Variants in TECRL observed in about 807,000 individuals in gnomAD.
TECRL encodes trans-2,3-enoyl-CoA reductase like.
A neutral mutation model predicts 52.8 loss-of-function variants in TECRL; 63 were observed. That is an observed-to-expected ratio of 1.19 (90% CI 0.97 to 1.47). The LOEUF (loss-of-function observed/expected upper bound fraction) is 1.47. TECRL is among the 40% of genes most tolerant of loss of function. The pLI is 0.00. For synonymous variants in TECRL, 164 were observed against 141.9 expected, an observed-to-expected ratio of 1.16 and a Z score of -1.10; for missense variants, 482 against 429.6, an observed-to-expected ratio of 1.12 and a Z score of -1.08.
intron 1 of TECRL, among the ~76,000 whole-genome samples, chr4:64,384,321 TAAG>T (rs1347318655): frequency 6.6e-6 from 1 of 152,084 alleles, no homozygotes; most frequent in Non-Finnish European, 1.5e-5. Context: ...GGCCAACCCT[TAAG>T]ACCTCTGGTA....
chr4:64,318,180 C>T (rs2110020018), intron 4 of TECRL, among the ~76,000 whole-genome samples: 1 of 152,056 alleles, frequency 6.6e-6, no homozygotes, highest in Non-Finnish European at 1.5e-5. Context: ...TGCAGGTATA[C>T]AAAGACCAAA....
intron 2 of TECRL, among the ~76,000 whole-genome samples, chr4:64,364,469 A>C (rs541727958): frequency 1.3e-5 from 2 of 152,020 alleles, no homozygotes; most frequent in South Asian, 2.1e-4. Context: ...ATGAAACCAA[A>C]AGTTTATTTT....
intron 3 of TECRL, among the ~76,000 whole-genome samples, chr4:64,327,390 G>C (rs1718335144): frequency 6.6e-6 from 1 of 152,032 alleles, no homozygotes; most frequent in Non-Finnish European, 1.5e-5. Flanking sequence ...TCAAATGGAA[G>C]TTACATTTGA....
intron 2 of TECRL, among the ~76,000 whole-genome samples, chr4:64,356,703 G>C (rs1458265917): frequency 6.6e-6 from 1 of 152,130 alleles, no homozygotes; most frequent in East Asian, 1.9e-4. Flanking sequence ...AAAACTGAGG[G>C]AACTCAGAGA....
At chr4:64,401,881 C>T (rs1233151609) in intron 1 of TECRL, among the ~76,000 whole-genome samples, 5 of 152,230 alleles carry the variant, frequency 3.3e-5, no homozygotes, top group African/African-American at 1.2e-4. Flanking sequence ...ACAATATGCT[C>T]CCCTTAATTT....
At chr4:64,296,484 T>C (rs1437280011) in intron 8 of TECRL, among the ~76,000 whole-genome samples, 1 of 151,664 alleles carries the variant, frequency 6.6e-6, no homozygotes, top group African/African-American at 2.4e-5. Context: ...CTAGGGAAAA[T>C]AGTTATTTTA....
chr4:64,317,134 C>T (rs1274065019), intron 4 of TECRL, among the ~76,000 whole-genome samples: 3 of 151,906 alleles, frequency 2.0e-5, no homozygotes, highest in Admixed American at 6.6e-5. Context: ...AAAAATTAGC[C>T]GGGCGTGGTG....
chr4:64,363,571 T>C (rs574592380), intron 2 of TECRL, among the ~76,000 whole-genome samples: 42 of 152,216 alleles, frequency 2.8e-4, no homozygotes, highest in African/African-American at 3.6e-4. Context: ...TTTGTCCCGA[T>C]TGGCTAGCAA....
At chr4:64,395,659 AT>A (rs1190191260) in intron 1 of TECRL, among the ~76,000 whole-genome samples, 1 of 152,048 alleles carries the variant, frequency 6.6e-6, no homozygotes, top group Non-Finnish European at 1.5e-5. Flanking sequence ...AATCTTTATC[AT>A]TTTTTTCTAT....
At chr4:64,297,048 C>G (rs1723726421) in intron 8 of TECRL, among the ~76,000 whole-genome samples, 1 of 151,392 alleles carries the variant, frequency 6.6e-6, no homozygotes, top group South Asian at 2.1e-4. Flanking sequence ...TAGAAAAAAC[C>G]TCACCAAAAT....
chr4:64,334,305 A>G (rs1256872219), intron 2 of TECRL, among the ~76,000 whole-genome samples: 2 of 152,124 alleles, frequency 1.3e-5, no homozygotes, highest in Non-Finnish European at 2.9e-5. Context: ...AGATTCATTT[A>G]GTACAATACT....
intron 2 of TECRL, among the ~76,000 whole-genome samples, chr4:64,357,710 A>G (rs1298964597): frequency 2.0e-5 from 3 of 151,522 alleles, no homozygotes; most frequent in Admixed American, 2.0e-4. Context: ...AGAAATTACA[A>G]GCACAAATTC....
At chr4:64,408,094 A>C (rs1250443131) in intron 1 of TECRL, among the ~76,000 whole-genome samples, 1 of 151,750 alleles carries the variant, frequency 6.6e-6, no homozygotes, top group Non-Finnish European at 1.5e-5. Context: ...CTATGAATTA[A>C]AGTTAATATA....
chr4:64,319,407 A>G (rs995663901), intron 4 of TECRL, among the ~76,000 whole-genome samples: 3 of 151,870 alleles, frequency 2.0e-5, no homozygotes, highest in Admixed American at 2.0e-4. Context: ...GGATTCTTAT[A>G]TATGAAAGTA....
intron 2 of TECRL, among the ~76,000 whole-genome samples, chr4:64,334,009 C>T (rs145308542): frequency 0.35 from 27,062 of 76,292 alleles, 4,143 homozygotes; most frequent in Middle Eastern, 0.49. Flanking sequence ...CCGGCCTGGG[C>T]GACAGAGCGA....
chr4:64,282,333 T>G (rs1722870295), intron 9 of TECRL, among the ~76,000 whole-genome samples: 1 of 152,016 alleles, frequency 6.6e-6, no homozygotes, highest in Non-Finnish European at 1.5e-5. Flanking sequence ...ATACCAAGAT[T>G]TAATCAGATA....
chr4:64,350,028 T>C (rs981872593), intron 2 of TECRL, among the ~76,000 whole-genome samples: 2 of 151,866 alleles, frequency 1.3e-5, no homozygotes, highest in African/African-American at 4.8e-5. Context: ...TTAATGAATA[T>C]GGAGTGTGCT....
At chr4:64,338,305 G>C (rs1224686277) in intron 2 of TECRL, among the ~76,000 whole-genome samples, 1 of 152,136 alleles carries the variant, frequency 6.6e-6, no homozygotes, top group African/African-American at 2.4e-5. Flanking sequence ...AGACTTACAT[G>C]TTAGACCTAA....
chr4:64,309,547 A>ATC (rs1724543337), intron 6 of TECRL, among the ~76,000 whole-genome samples: 1 of 152,150 alleles, frequency 6.6e-6, no homozygotes, highest in Non-Finnish European at 1.5e-5. Flanking sequence ...CACTCAAATA[A>ATC]TCTGAATTCA....
Sources: allele counts gnomAD v4.1 joint callset (sites outside exome capture counted in the v4.1 genomes callset), GRCh38; gene constraint gnomAD v4.1.1; transcripts MANE v1.5; gene names NCBI Gene and HGNC (gene_info 2026-07-23, HGNC 2026-07-21).